Variants in ARHGEF3 observed in about 807,000 individuals in gnomAD.
The protein encoded by ARHGEF3 is 59.8 kDA protein.
ARHGEF3 carries 28 observed loss-of-function variants against 63.2 expected under a neutral mutation model. The observed-to-expected ratio is 0.44, with a 90% CI of 0.33 to 0.61. The LOEUF is 0.61. Among genes scored for constraint, ARHGEF3 ranks in the 20% least tolerant of loss-of-function variants. ARHGEF3 has a pLI of 0.03. For missense variants in ARHGEF3, 533 were observed against 659.3 expected (o/e 0.81, Z 2.10); for synonymous variants, 266 against 254.2 (o/e 1.05, Z -0.44).
chr3:56,877,376 C>CTTTTTT (rs755860299), intron 4 of ARHGEF3, among the ~76,000 whole-genome samples: 1 of 136,960 alleles, frequency 7.3e-6, no homozygotes. Context: ...TACTATAATC[C>CTTTTTT]TTTTTTTTTT....
Position 56,971,023 on chromosome 3 carries a change from C to A in ARHGEF3, c.63-12134G>T, listed in dbSNP as rs116825785. Among the ~76,000 whole-genome samples, 310 of 152,256 alleles carry A rather than the reference C, an allele frequency of 2.0e-3. 5 individuals are homozygous for A. The highest frequency in any genetic ancestry group is 7.1e-3 in the African/African-American group (293 of 41,534). On this transcript the variant is annotated intron_variant, in intron 2 of 12. Coordinates refer to the ARHGEF3 transcript ENST00000338458. ...GCACAGAAGGGACCCTGTAAGAGAG[C>A]CCTCTTCCAGGGAACCAGCTCTGGA... is the stretch of plus-strand genomic sequence containing the variant.
chr3:56,941,800 C>T (rs565772523), intron 3 of ARHGEF3, among the ~76,000 whole-genome samples: 8 of 152,020 alleles, frequency 5.3e-5, no homozygotes, highest in African/African-American at 7.2e-5. Context: ...ATTTTTTCCC[C>T]GTAAGAAGGG....
At chr3:56,736,220 T>C (rs1386792779) in intron 8 of ARHGEF3, among the ~76,000 whole-genome samples, 2 of 152,136 alleles carry the variant, frequency 1.3e-5, no homozygotes, top group Non-Finnish European at 2.9e-5. Context: ...CAGGTCCCCA[T>C]AATAGGTTCT....
chr3:56,916,063 C>T (rs777958004), intron 3 of ARHGEF3, among the ~76,000 whole-genome samples: 58 of 152,308 alleles, frequency 3.8e-4, no homozygotes, highest in Non-Finnish European at 2.4e-4. Context: ...AGCTCACCCT[C>T]GCAACCAAGC....
At chr3:56,891,976 A>G (rs1427352852) in intron 3 of ARHGEF3, among the ~76,000 whole-genome samples, 1 of 152,292 alleles carries the variant, frequency 6.6e-6, no homozygotes, top group Non-Finnish European at 1.5e-5. Flanking sequence ...GGAGGTACAG[A>G]TGAGACAGTC....
rs888496331 is a variant in ARHGEF3, at chr3:56,801,713, T to C, written c.86A>G (p.Lys29Arg). ...AGGGCGCGGCCCTACCTCAGCGTCC[T>C]TGGCCGGACCGCTGGCCGGGGGTAG... ...LELPPASGPA[K>R]DAEEPSNKRV... is the part of the protein sequence containing the mutation. The change falls in exon 1 of 10, where the codon AAG (lysine) becomes AGG (arginine). Residue 29 changes from lysine to arginine, a missense_variant. Lys to Arg is a conservative substitution (Grantham distance 26). This residue lies in a region of ARHGEF3 where 160 missense variants were observed against 157.3 expected (regional missense o/e 1.02). Coordinates refer to ENST00000296315, the MANE Select transcript of ARHGEF3 (RefSeq NM_019555.3). 1 of 1,559,902 alleles carries C rather than the reference T, an allele frequency of 6.4e-7. No individual in the cohort carries two copies. The highest frequency in any genetic ancestry group is 1.4e-5 in the African/African-American group (1 of 73,792).
At chr3:57,000,193 T>G (rs963974915) in intron 2 of ARHGEF3, among the ~76,000 whole-genome samples, 30 of 152,190 alleles carry the variant, frequency 2.0e-4, no homozygotes, top group African/African-American at 7.0e-4. Flanking sequence ...TTTTCACTTC[T>G]CTACAAAGAG....
At chr3:56,864,967 G>T (rs969377350) in intron 4 of ARHGEF3, among the ~76,000 whole-genome samples, 2 of 152,054 alleles carry the variant, frequency 1.3e-5, no homozygotes, top group African/African-American at 4.8e-5. Flanking sequence ...GGTCCCAAAG[G>T]CAATTTTGTT....
At chr3:56,791,976 C>T (rs1014772662) in intron 1 of ARHGEF3, among the ~76,000 whole-genome samples, 9 of 151,814 alleles carry the variant, frequency 5.9e-5, no homozygotes, top group Admixed American at 3.9e-4. Flanking sequence ...TGCGGTGGCT[C>T]ACGCCTGTAA....
chr3:56,926,810 A>T (rs2042287024), intron 3 of ARHGEF3, among the ~76,000 whole-genome samples: 1 of 152,238 alleles, frequency 6.6e-6, no homozygotes, highest in African/African-American at 2.4e-5. Flanking sequence ...TTTATTTTTT[A>T]AAAGAATGTG....
At chr3:56,991,962 T>G (rs913335446) in intron 2 of ARHGEF3, among the ~76,000 whole-genome samples, 1 of 152,002 alleles carries the variant, frequency 6.6e-6, no homozygotes, top group Non-Finnish European at 1.5e-5. Context: ...CCAGCATTCT[T>G]TTTTCCATAA....
chr3:57,000,440 T>C (rs1167130417), intron 2 of ARHGEF3, among the ~76,000 whole-genome samples: 2 of 152,086 alleles, frequency 1.3e-5, no homozygotes, highest in East Asian at 3.8e-4. Flanking sequence ...TTCCTCTCCA[T>C]GTCCTCCCTT....
intron 3 of ARHGEF3, chr3:56,958,750 T>A (rs1161100331): frequency 2.8e-6 from 4 of 1,451,632 alleles, no homozygotes; most frequent in Non-Finnish European, 3.8e-6. Context: ...CCTAACAGCG[T>A]CCGTTCTGGA....
At chr3:56,844,585 C>T (rs140945284) in intron 4 of ARHGEF3, among the ~76,000 whole-genome samples, 90 of 152,224 alleles carry the variant, frequency 5.9e-4, no homozygotes, top group Admixed American at 1.6e-3. Context: ...AGGATTCCAG[C>T]CAACAGGTAA....
At chr3:56,934,297 C>T (rs369588948) in intron 3 of ARHGEF3, among the ~76,000 whole-genome samples, 85 of 152,360 alleles carry the variant, frequency 5.6e-4, no homozygotes, top group African/African-American at 1.8e-3. Flanking sequence ...GACGTGACAG[C>T]GTGCTGGCAG....
At chr3:57,056,392 A>G (rs1214140840) in intron 1 of ARHGEF3, among the ~76,000 whole-genome samples, 1 of 151,200 alleles carries the variant, frequency 6.6e-6, no homozygotes, top group Non-Finnish European at 1.5e-5. Context: ...ATCAAAAAAA[A>G]AAAAAAAAAA....
intron 2 of ARHGEF3, among the ~76,000 whole-genome samples, chr3:57,028,980 G>GACACACACACAAAC (rs1703605919): frequency 7.0e-6 from 1 of 142,146 alleles, no homozygotes; most frequent in Non-Finnish European, 1.5e-5. Context: ...TAATGGTGAA[G>GACACACACACAAAC]ACACACACAC....
At chr3:56,890,316 C>G (rs1390643425) in intron 3 of ARHGEF3, among the ~76,000 whole-genome samples, 1 of 152,156 alleles carries the variant, frequency 6.6e-6, no homozygotes, top group African/African-American at 2.4e-5. Context: ...GTATGGGATA[C>G]GTCAGTGTCT....
At chr3:57,016,410 G>A (rs991852463) in intron 2 of ARHGEF3, among the ~76,000 whole-genome samples, 20 of 151,712 alleles carry the variant, frequency 1.3e-4, no homozygotes, top group African/African-American at 4.4e-4. Context: ...TTAGCTGGGC[G>A]TGATGGTGGG....
Sources: allele counts gnomAD v4.1 joint callset (sites outside exome capture counted in the v4.1 genomes callset), GRCh38; gene constraint gnomAD v4.1.1; regional missense constraint gnomAD v4.1.1; transcripts MANE v1.5; gene names NCBI Gene and HGNC (gene_info 2026-07-23, HGNC 2026-07-21).